Variants in PXDN observed in about 807,000 individuals in gnomAD.
The protein encoded by PXDN is peroxidasin homolog.
In PXDN, 77 loss-of-function variants were observed where a neutral mutation model predicts 140.3. The ratio of observed to expected loss-of-function variants is 0.55; its 90% CI spans 0.46 to 0.66. PXDN has a LOEUF of 0.66. PXDN is among the 30% of genes least tolerant of loss of function. The pLI is 0.00. For synonymous variants in PXDN, 911 were observed against 857.4 expected, an observed-to-expected ratio of 1.06 and a Z score of -1.09; for missense variants, 1,838 against 2,039.5, an observed-to-expected ratio of 0.90 and a Z score of 1.90.
At chr2:1,656,153 C>G (rs1456325768) in intron 14 of PXDN, among the ~76,000 whole-genome samples, 2 of 151,838 alleles carry the variant, frequency 1.3e-5, no homozygotes, top group Non-Finnish European at 2.9e-5. Context: ...CACAAACACA[C>G]CAAACCAAAG....
At chr2:1,635,821 C>T in intron 21 of PXDN, 1 of 402,370 alleles carries the variant, frequency 2.5e-6, no homozygotes, top group Non-Finnish European at 4.7e-6. Flanking sequence ...GAACGTCCTG[C>T]ACCTACACTT....
At position 1,643,502 on chromosome 2, in the gene PXDN, A is replaced by C; in HGVS notation, c.3818T>G (p.Ile1273Ser). 1 of 1,613,910 alleles carries C rather than the reference A, an allele frequency of 6.2e-7. No homozygotes were observed. Among genetic ancestry groups the C allele is most frequent in the Non-Finnish European group, 8.5e-7 (1 of 1,179,894 alleles). ...TQIKQTSLARILCDNADNITR... is the reference protein window; with the variant it reads ...TQIKQTSLARSLCDNADNITR... Reference sequence around the variant, plus strand: ...GATGTTGTCCGCGTTGTCGCATAGGATCCTGGCCAGCGACGTCTGCTTGAT... The same window carrying C: ...GATGTTGTCCGCGTTGTCGCATAGGCTCCTGGCCAGCGACGTCTGCTTGAT... Residue 1273 changes from isoleucine (I) to serine (S), a missense_variant, in exon 19 of 23, where the codon ATC (isoleucine) becomes AGC (serine). Coordinates refer to ENST00000252804, the MANE Select transcript of PXDN (RefSeq NM_012293.3).
chr2:1,688,135 G>A (rs182413764), intron 3 of PXDN, among the ~76,000 whole-genome samples: 23 of 152,234 alleles, frequency 1.5e-4, no homozygotes, highest in Admixed American at 2.0e-4. Flanking sequence ...TATGAAGACC[G>A]AATGCACCTT....
chr2:1,664,884 G>C (rs1408901777), intron 11 of PXDN, 74 bp downstream of exon 11: 1 of 1,291,292 alleles, frequency 7.7e-7, no homozygotes, highest in African/African-American at 1.5e-5. Flanking sequence ...GGGTTGCCTG[G>C]GCACAGTGGA....
intron 9 of PXDN, among the ~76,000 whole-genome samples, chr2:1,667,837 T>G (rs527717578): frequency 6.6e-6 from 1 of 152,122 alleles, no homozygotes; most frequent in Non-Finnish European, 1.5e-5. Context: ...TCCGTGCTCA[T>G]GGACAGGAAG....
intron 13 of PXDN, 37 bp from the exon 14 acceptor site, chr2:1,661,074 A>C: frequency 6.2e-7 from 1 of 1,611,112 alleles, no homozygotes; most frequent in Non-Finnish European, 8.5e-7. Flanking sequence ...ATTAGAAATA[A>C]GACTAAGAAG....
intron 1 of PXDN, among the ~76,000 whole-genome samples, chr2:1,728,905 C>G (rs901593625): frequency 6.6e-6 from 1 of 152,206 alleles, no homozygotes; most frequent in Non-Finnish European, 1.5e-5. Context: ...CGAGACAGGC[C>G]GAGCCCTCTT....
intron 21 of PXDN, chr2:1,637,020 A>T (rs1682577053): frequency 6.6e-6 from 1 of 152,274 alleles, no homozygotes; most frequent in South Asian, 2.1e-4. Context: ...CCACCCAGGG[A>T]GCTGCCCGTT....
rs1326659043 is a variant in PXDN, at chr2:1,679,852, TGC to T, written c.730+339_730+340del. ...TGTGTGGATGGTGTGTGTGTGTATG[TGC>T]GTGTGTGTGGTTTGTGTCTGCATGT... On this transcript the variant is annotated intron_variant, in intron 7 of 22. Coordinates refer to ENST00000252804, the MANE Select transcript of PXDN (RefSeq NM_012293.3). 5.0e-3 allele frequency among the ~76,000 whole-genome samples: 727 copies of T among 144,722 alleles called. 5 individuals are homozygous for T. Among genetic ancestry groups the T allele is most frequent in the African/African-American group, 7.9e-3 (296 of 37,700 alleles). The allele number at this position is 144,722 out of a possible 152,430, so 94.9% of individuals were successfully genotyped here. A position where few individuals can be genotyped will look rare whatever the true frequency, so the allele number is the denominator to read the frequency against.
chr2:1,743,805 G>C (rs1685616346), intron 1 of PXDN, among the ~76,000 whole-genome samples: 1 of 146,086 alleles, frequency 6.8e-6, no homozygotes, highest in Non-Finnish European at 1.5e-5. Context: ...GGGCTGCGCC[G>C]CGCTCGGGGA....
At chr2:1,664,816 C>T in intron 11 of PXDN, 142 bp downstream of exon 11, 1 of 716,466 alleles carries the variant, frequency 1.4e-6, no homozygotes, top group Non-Finnish European at 2.3e-6. Context: ...CTCTGCGCTT[C>T]CCAGTGCCTT....
At chr2:1,715,127 G>T (rs1321764925) in intron 1 of PXDN, among the ~76,000 whole-genome samples, 1 of 151,780 alleles carries the variant, frequency 6.6e-6, no homozygotes, top group African/African-American at 2.4e-5. Flanking sequence ...TATTTTTCCT[G>T]CCTTCCAGTC....
intron 6 of PXDN, 77 bp from the exon 7 acceptor site, chr2:1,680,439 G>C: frequency 6.5e-7 from 1 of 1,548,476 alleles, no homozygotes; most frequent in Non-Finnish European, 8.9e-7. Context: ...AGGGCTTCCA[G>C]GTCCCGCGTC....
intron 6 of PXDN, among the ~76,000 whole-genome samples, chr2:1,681,774 A>G (rs1361012447): frequency 6.6e-6 from 1 of 152,192 alleles, no homozygotes; most frequent in Non-Finnish European, 1.5e-5. Context: ...TCAGTACAGG[A>G]CCACAGGCAC....
intron 1 of PXDN, among the ~76,000 whole-genome samples, chr2:1,718,667 G>A (rs922312767): frequency 4.6e-5 from 7 of 152,236 alleles, no homozygotes; most frequent in Non-Finnish European, 4.4e-5. Context: ...CAGCACACAC[G>A]GGGTGACACA....
chr2:1,702,714 C>T (rs1313922709), intron 1 of PXDN, among the ~76,000 whole-genome samples: 1 of 151,778 alleles, frequency 6.6e-6, no homozygotes, highest in Non-Finnish European at 1.5e-5. Context: ...CTGCAACCTC[C>T]GTCTCCCAGG....
chr2:1,680,113 G>A, intron 7 of PXDN, 80 bp downstream of exon 7: 2 of 1,437,648 alleles, frequency 1.4e-6, no homozygotes, highest in South Asian at 2.7e-5. Context: ...GATGTTGTGT[G>A]TGTAGATGGT....
chr2:1,658,100 G>T (rs1394416125), intron 14 of PXDN, among the ~76,000 whole-genome samples: 1 of 135,572 alleles, frequency 7.4e-6, no homozygotes, highest in Non-Finnish European at 1.5e-5. Context: ...CTCTGTTACA[G>T]TGTCTGCGTG....
chr2:1,640,529 G>A lies in PXDN; in HGVS notation c.3953-1107C>T, dbSNP rs547879436. ...CTAAAGCTCCCTCTGCCCCCACAGCGGAGCCCACAAACAGTCCCACTGAAT... is the reference window on the plus strand; with the variant it reads ...CTAAAGCTCCCTCTGCCCCCACAGCAGAGCCCACAAACAGTCCCACTGAAT... On this transcript the variant is annotated intron_variant, in intron 19 of 22. Coordinates refer to ENST00000252804, the MANE Select transcript of PXDN (RefSeq NM_012293.3). 5.9e-5 allele frequency among the ~76,000 whole-genome samples: 9 copies of A among 152,302 alleles called. No homozygotes were observed. The South Asian group carries it at 8.3e-4, about 14-fold the overall frequency.
Sources: allele counts gnomAD v4.1 joint callset (sites outside exome capture counted in the v4.1 genomes callset), GRCh38; gene constraint gnomAD v4.1.1; transcripts MANE v1.5; gene names NCBI Gene and HGNC (gene_info 2026-07-23, HGNC 2026-07-21).